The following GAB2 variants were observed in gnomAD, a reference collection of about 807,000 sequenced individuals.
GAB2 encodes GRB2 associated binding protein 2.
GAB2 carries 26 observed loss-of-function variants against 65.5 expected under a neutral mutation model. The observed-to-expected ratio is 0.40, with a 90% CI of 0.29 to 0.55. GAB2 has a LOEUF of 0.55. GAB2 is among the 20% of genes least tolerant of loss of function. The pLI is 0.53. For missense variants in GAB2, 884 were observed against 875.8 expected (o/e 1.01, Z -0.12); for synonymous variants, 321 against 329.6 (o/e 0.97, Z 0.28).
At chr11:78,414,190 T>A (rs1857164844) in intron 1 of GAB2, among the ~76,000 whole-genome samples, 1 of 151,548 alleles carries the variant, frequency 6.6e-6, no homozygotes, top group Admixed American at 6.6e-5. Context: ...TACTCCCTCA[T>A]CATTTCAATT....
chr11:78,317,558 C>T (rs1482317834), intron 1 of GAB2, among the ~76,000 whole-genome samples: 1 of 60,806 alleles, frequency 1.6e-5, no homozygotes, highest in Non-Finnish European at 3.2e-5. Context: ...GACTCCGTCT[C>T]AAAAAAAAAA....
intron 1 of GAB2, among the ~76,000 whole-genome samples, chr11:78,336,456 A>C (rs1856004554): frequency 6.8e-6 from 1 of 146,666 alleles, no homozygotes. Flanking sequence ...AACTTTACTG[A>C]ATTTATCAGT....
intron 1 of GAB2, among the ~76,000 whole-genome samples, chr11:78,374,326 A>AT (rs1411197477): frequency 6.6e-6 from 1 of 152,160 alleles, no homozygotes; most frequent in Non-Finnish European, 1.5e-5. Flanking sequence ...ATAATCCGGT[A>AT]TTTGTCACAG....
At chr11:78,402,190 G>A (rs1357491020) in intron 1 of GAB2, among the ~76,000 whole-genome samples, 1 of 152,126 alleles carries the variant, frequency 6.6e-6, no homozygotes, top group African/African-American at 2.4e-5. Context: ...CACACACTGT[G>A]TATGTCCTTG....
At position 78,225,010 on chromosome 11, in the gene GAB2, C is replaced by T. The variant is rs1864581195; in HGVS notation, c.1302+98G>A. On this transcript the variant is annotated intron_variant, in intron 5 of 9. Transcript: ENST00000361507. ...CTTGGGCAGGGTCCTAAGATGGAGA[C>T]GCCATCAATCTTTTGGGGTTGTGCT... 9 of 740,696 alleles carry T rather than the reference C, an allele frequency of 1.2e-5. 1 individual carries two copies. The East Asian group carries it at 1.2e-4, about 10-fold the overall frequency. 45.9% of individuals were successfully genotyped at this position (740,696 alleles called of 1,614,324 possible).
intron 2 of GAB2, among the ~76,000 whole-genome samples, chr11:78,264,076 T>C (rs534089764): frequency 2.0e-5 from 3 of 152,330 alleles, no homozygotes; most frequent in Non-Finnish European, 2.9e-5. Flanking sequence ...GAATTATTAT[T>C]GACATGCTGT....
chr11:78,390,078 CAAAAG>C (rs1856816253), intron 1 of GAB2, among the ~76,000 whole-genome samples: 1 of 152,098 alleles, frequency 6.6e-6, no homozygotes, highest in Non-Finnish European at 1.5e-5. Context: ...CGTGCAGTAA[CAAAAG>C]AAAATAGTAC....
chr11:78,392,346 T>G (rs1423620828), intron 1 of GAB2: 1 of 150,800 alleles, frequency 6.6e-6, no homozygotes, highest in Non-Finnish European at 1.5e-5. Flanking sequence ...ACTGTAACTC[T>G]TTTGATTGTT....
intron 2 of GAB2, among the ~76,000 whole-genome samples, chr11:78,276,762 C>T (rs1477955585): frequency 6.6e-6 from 1 of 152,166 alleles, no homozygotes; most frequent in African/African-American, 2.4e-5. Flanking sequence ...AAGTCCTATA[C>T]AGTAAAAGGA....
In GAB2 at chr11:78,250,254, G is replaced by A; in HGVS notation, c.523C>T (p.Pro175Ser). The change falls in exon 3 of 10, where the codon CCT (proline) becomes TCT (serine). Residue 175 changes from proline to serine, a missense_variant. Pro to Ser is a moderately conservative substitution (Grantham distance 74). Coordinates refer to ENST00000361507, the MANE Select transcript of GAB2 (RefSeq NM_080491.3). ...SQPTLFTFEP[P>S]VSNHMQPTLS... ...GTGGGCTGCATGTGGTTTGACACAGGGGGTTCAAACGTGAACAGAGTTGGC... is the reference window on the plus strand; with the variant it reads ...GTGGGCTGCATGTGGTTTGACACAGAGGGTTCAAACGTGAACAGAGTTGGC... 3 of 1,613,486 alleles carry A rather than the reference G, an allele frequency of 1.9e-6. No homozygotes were observed. Among genetic ancestry groups the A allele is most frequent in the South Asian group, 1.1e-5 (1 of 90,998 alleles).
At chr11:78,296,669 G>C (rs1055391882) in intron 1 of GAB2, among the ~76,000 whole-genome samples, 1 of 152,028 alleles carries the variant, frequency 6.6e-6, no homozygotes, top group African/African-American at 2.4e-5. Context: ...TGCCACCTCA[G>C]CTGGGAATGT....
At chr11:78,299,998 T>G (rs1250932004) in intron 1 of GAB2, among the ~76,000 whole-genome samples, 1 of 152,202 alleles carries the variant, frequency 6.6e-6, no homozygotes, top group African/African-American at 2.4e-5. Context: ...TGCATCCATC[T>G]TAACAGTTCA....
intron 1 of GAB2, among the ~76,000 whole-genome samples, chr11:78,362,482 G>A (rs1448646045): frequency 6.6e-6 from 1 of 151,568 alleles, no homozygotes; most frequent in Admixed American, 6.6e-5. Context: ...CAATCCAAAA[G>A]GTAAGATTAA....
chr11:78,295,573 G>A (rs192707358), intron 1 of GAB2, among the ~76,000 whole-genome samples: 132 of 152,270 alleles, frequency 8.7e-4, no homozygotes, highest in Non-Finnish European at 5.7e-4. Flanking sequence ...GGGCAGACAA[G>A]TACAGTACAT....
At chr11:78,321,758 G>A (rs1855728331) in intron 1 of GAB2, among the ~76,000 whole-genome samples, 1 of 151,902 alleles carries the variant, frequency 6.6e-6, no homozygotes, top group Non-Finnish European at 1.5e-5. Context: ...AAAGGCTATT[G>A]TAACCAACAC....
At chr11:78,308,722 C>A (rs1289644196) in intron 1 of GAB2, among the ~76,000 whole-genome samples, 2 of 152,066 alleles carry the variant, frequency 1.3e-5, no homozygotes, top group African/African-American at 2.4e-5. Context: ...AAAGCATGGG[C>A]ATGACTACCA....
chr11:78,344,144 G>A (rs527982402), intron 1 of GAB2, among the ~76,000 whole-genome samples: 4 of 152,256 alleles, frequency 2.6e-5, no homozygotes, highest in African/African-American at 4.8e-5. Context: ...AAATTAAAAA[G>A]GGTTTTAAGA....
chr11:78,225,045 A>G, intron 5 of GAB2, 63 bp downstream of exon 5: 1 of 986,868 alleles, frequency 1.0e-6, no homozygotes, highest in Non-Finnish European at 1.6e-6. Flanking sequence ...TTTTAATTCC[A>G]TAAGGTGTGA....
chr11:78,310,593 G>T (rs1855479765), intron 1 of GAB2, among the ~76,000 whole-genome samples: 1 of 151,968 alleles, frequency 6.6e-6, no homozygotes, highest in Admixed American at 6.6e-5. Context: ...GCCCAAGAAT[G>T]TGTGGTTAAA....
Sources: allele counts gnomAD v4.1 joint callset (sites outside exome capture counted in the v4.1 genomes callset), GRCh38; gene constraint gnomAD v4.1.1; transcripts MANE v1.5; gene names NCBI Gene and HGNC (gene_info 2026-07-23, HGNC 2026-07-21).